TUBGCP3: variants seen among roughly 807,000 people sequenced by gnomAD.
TUBGCP3 encodes the protein gamma-tubulin complex component 3.
Under a neutral mutation model 123.1 loss-of-function variants are expected in TUBGCP3, and 50 were observed. The ratio of observed to expected loss-of-function variants is 0.41; its 90% CI spans 0.32 to 0.51. The LOEUF (loss-of-function observed/expected upper bound fraction) is 0.51, where lower values mean the gene tolerates loss of function less well. Ranked by LOEUF, TUBGCP3 falls within the 20% of genes least tolerant of loss-of-function variation. The probability of loss-of-function intolerance (pLI) is 0.36; values close to 1 mark genes in which losing one functional copy is unlikely to be tolerated. For synonymous variants in TUBGCP3, 405 were observed against 413.9 expected (o/e 0.98, Z 0.26); for missense variants, 882 against 1,127.0 (o/e 0.78, Z 3.11).
At chr13:112,577,063 G>A (rs1471401025) in intron 1 of TUBGCP3, among the ~76,000 whole-genome samples, 1 of 150,616 alleles carries the variant, frequency 6.6e-6, no homozygotes, top group East Asian at 1.9e-4. Flanking sequence ...ACAAGACACA[G>A]AATCAGGAAG....
chr13:112,522,240 ATAATT>A (rs1876686905), intron 14 of TUBGCP3, 75 bp downstream of exon 14: 2 of 1,179,344 alleles, frequency 1.7e-6, no homozygotes, highest in African/African-American at 1.5e-5. Flanking sequence ...TTCTTTTAAT[ATAATT>A]TATTCTTTTA....
At chr13:112,554,789 A>T in intron 7 of TUBGCP3, 98 bp downstream of exon 7, 1 of 813,232 alleles carries the variant, frequency 1.2e-6, no homozygotes, top group South Asian at 1.8e-5. Flanking sequence ...CGATTCGCAA[A>T]ACCCCAGTAC....
chr13:112,579,062 G>C (rs1882080634), intron 1 of TUBGCP3, among the ~76,000 whole-genome samples: 1 of 152,036 alleles, frequency 6.6e-6, no homozygotes. Flanking sequence ...ACACTGTTAA[G>C]AGAATGAAAA....
intron 2 of TUBGCP3, among the ~76,000 whole-genome samples, chr13:112,565,731 G>A (rs143273945): frequency 0.012 from 1,827 of 152,222 alleles, 36 homozygotes; most frequent in African/African-American, 0.041. Flanking sequence ...TCAGGAGATC[G>A]AGACCATCCT....
chr13:112,534,120 T>C (rs754891101), intron 11 of TUBGCP3, among the ~76,000 whole-genome samples: 114 of 152,136 alleles, frequency 7.5e-4, no homozygotes, highest in Non-Finnish European at 1.2e-3. Flanking sequence ...GAACAAACTT[T>C]GCAGGTCCCC....
At chr13:112,490,813 G>A (rs1478809092) in intron 20 of TUBGCP3, among the ~76,000 whole-genome samples, 2 of 152,164 alleles carry the variant, frequency 1.3e-5, no homozygotes, top group East Asian at 1.9e-4. Flanking sequence ...GACCATCGGT[G>A]CGTTTGGGAG....
rs1594244256 is a variant in TUBGCP3, at chr13:112,588,111, C to G, written c.-131G>C. 1 of 758,376 alleles carries G rather than the reference C, an allele frequency of 1.3e-6. No individual in the cohort carries two copies. Among genetic ancestry groups the G allele is most frequent in the East Asian group, 3.4e-5 (1 of 29,204 alleles). The allele number at this position is 758,376 out of a possible 1,614,324, so 47.0% of individuals were successfully genotyped here. A position where few individuals can be genotyped will look rare whatever the true frequency, so the allele number is the denominator to read the frequency against. On this transcript the variant is annotated 5_prime_UTR_variant, in exon 1 of 22. Transcript: ENST00000261965. Reference sequence around the variant, plus strand: ...CTGACAGGCTAAGGCGCGGGCGCCGCCGGCCACCAGGGCGCCATTTTAACG... The same window carrying G: ...CTGACAGGCTAAGGCGCGGGCGCCGGCGGCCACCAGGGCGCCATTTTAACG...
intron 11 of TUBGCP3, among the ~76,000 whole-genome samples, chr13:112,531,377 G>A (rs1566555809): frequency 6.6e-6 from 1 of 152,142 alleles, no homozygotes; most frequent in Non-Finnish European, 1.5e-5. Context: ...GTACTATCAC[G>A]GAGGCGTCAT....
At chr13:112,517,103 G>A (rs180914359) in intron 16 of TUBGCP3, among the ~76,000 whole-genome samples, 20 of 152,186 alleles carry the variant, frequency 1.3e-4, no homozygotes, top group Admixed American at 1.0e-3. Flanking sequence ...TGCAACCTCC[G>A]CCTCCTGGGC....
At chr13:112,527,140 T>C (rs1047832592) in intron 12 of TUBGCP3, 90 bp from the exon 13 acceptor site, 3 of 1,184,326 alleles carry the variant, frequency 2.5e-6, no homozygotes, top group Non-Finnish European at 3.6e-6. Flanking sequence ...AAATTGGCTA[T>C]TGATTGAAAA....
chr13:112,491,403 T>G (rs1880095493), intron 20 of TUBGCP3, among the ~76,000 whole-genome samples: 2 of 152,170 alleles, frequency 1.3e-5, no homozygotes, highest in Admixed American at 6.5e-5. Context: ...TCTAAGTGAG[T>G]ACTGATATGG....
chr13:112,555,903 G>C lies in TUBGCP3; in HGVS notation c.721+149C>G, dbSNP rs1206121051. 8.1e-6 allele frequency: 7 copies of C among 867,482 alleles called. No homozygotes were observed. The African/African-American group carries it at 1.0e-4, about 13-fold the overall frequency. 53.7% of individuals were successfully genotyped at this position (867,482 alleles called of 1,614,324 possible). A position where few individuals can be genotyped will look rare whatever the true frequency, so the allele number is the denominator to read the frequency against. ...AAGCCAAACTCCCCAAGGCGCCGCA[G>C]ACCACCAGGGACTCTGGACTTCATC... is the stretch of plus-strand genomic sequence containing the variant. On this transcript the variant is annotated intron_variant, in intron 6 of 21. Coordinates refer to ENST00000261965, the MANE Select transcript of TUBGCP3 (RefSeq NM_006322.6).
chr13:112,589,595 C>T (rs1882832658), upstream of TUBGCP3, among the ~76,000 whole-genome samples: 1 of 152,214 alleles, frequency 6.6e-6, no homozygotes, highest in Admixed American at 6.5e-5. Flanking sequence ...TAGCTCATAA[C>T]TTTGGAATGC....
intron 1 of TUBGCP3, among the ~76,000 whole-genome samples, chr13:112,575,431 A>G (rs184529547): frequency 2.2e-4 from 34 of 152,356 alleles, no homozygotes; most frequent in East Asian, 1.7e-3. Flanking sequence ...TGAACACTCT[A>G]AACAGCAGAG....
chr13:112,504,889 A>C (rs1351996304), intron 17 of TUBGCP3, among the ~76,000 whole-genome samples, 175 bp from the exon 18 acceptor site: 1 of 152,228 alleles, frequency 6.6e-6, no homozygotes, highest in African/African-American at 2.4e-5. Flanking sequence ...GTCAAGCTAA[A>C]CAAGAACTTA....
chr13:112,504,951 C>T (rs2139004686), intron 17 of TUBGCP3, among the ~76,000 whole-genome samples: 1 of 152,230 alleles, frequency 6.6e-6, no homozygotes, highest in African/African-American at 2.4e-5. Context: ...GGCCTAACAA[C>T]AAATATATGA....
chr13:112,529,086 C>G (rs1594149828), intron 11 of TUBGCP3, among the ~76,000 whole-genome samples: 1 of 152,280 alleles, frequency 6.6e-6, no homozygotes, highest in East Asian at 1.9e-4. Context: ...CTCCTGAGCT[C>G]AAGCGATCTG....
At chr13:112,518,572 C>T (rs79326847) in intron 16 of TUBGCP3, among the ~76,000 whole-genome samples, 4,473 of 152,196 alleles carry the variant, frequency 0.029, 186 homozygotes, top group Non-Finnish European at 0.033. Context: ...GCTTCCTCAT[C>T]GGTTTAAATG....
chr13:112,573,522 C>G (rs1242627634), intron 1 of TUBGCP3, among the ~76,000 whole-genome samples: 4 of 152,104 alleles, frequency 2.6e-5, no homozygotes, highest in Non-Finnish European at 5.9e-5. Context: ...GCCTTAGCCC[C>G]AGGAAAAAAT....
Sources: allele counts gnomAD v4.1 joint callset (sites outside exome capture counted in the v4.1 genomes callset), GRCh38; gene constraint gnomAD v4.1.1; transcripts MANE v1.5; gene names NCBI Gene and HGNC (gene_info 2026-07-23, HGNC 2026-07-21).